The following ATG7 variants were observed in gnomAD, a reference collection of about 807,000 sequenced individuals.
The protein encoded by ATG7 is autophagy related 7, also known as ubiquitin-like modifier-activating enzyme ATG7.
Under a neutral mutation model 82.4 loss-of-function variants are expected in ATG7, and 70 were observed. That is an observed-to-expected ratio of 0.85 (90% CI 0.70 to 1.04). The LOEUF (loss-of-function observed/expected upper bound fraction) is 1.04, where lower values mean the gene tolerates loss of function less well. Ranked by LOEUF, ATG7 falls within the 50% of genes least tolerant of loss-of-function variation. The probability of loss-of-function intolerance (pLI) is 0.00; values close to 1 mark genes in which losing one functional copy is unlikely to be tolerated. For synonymous variants in ATG7, 287 were observed against 313.0 expected (o/e 0.92, Z 0.88); for missense variants, 792 against 864.3 (o/e 0.92, Z 1.05).
chr3:11,574,783 A>ATGTG, the ATG7 span, among the ~76,000 whole-genome samples: 734 of 111,604 alleles, frequency 6.6e-3, 2 homozygotes, highest in South Asian at 0.014. Flanking sequence ...ATTCAACTAT[A>ATGTG]TATGTGTGTG....
intron 14 of ATG7, among the ~76,000 whole-genome samples, chr3:11,358,026 AAAG>A (rs952850053): frequency 6.6e-6 from 1 of 151,938 alleles, no homozygotes; most frequent in East Asian, 1.9e-4. Context: ...AAAAAAAAGA[AAAG>A]AAAAGAAAAA....
At chr3:11,296,604 G>A (rs975820401) in intron 3 of ATG7, among the ~76,000 whole-genome samples, 4 of 152,068 alleles carry the variant, frequency 2.6e-5, no homozygotes, top group Admixed American at 2.0e-4. Context: ...TCCAAAATTC[G>A]TTAGCCTCAC....
At chr3:11,460,106 G>A (rs2086159027) in intron 20 of ATG7, among the ~76,000 whole-genome samples, 1 of 152,134 alleles carries the variant, frequency 6.6e-6, no homozygotes, top group Non-Finnish European at 1.5e-5. Flanking sequence ...TTAAATGTAG[G>A]CAGCCTCAGT....
intron 20 of ATG7, among the ~76,000 whole-genome samples, chr3:11,546,286 C>G (rs745648847): frequency 8.0e-5 from 12 of 149,674 alleles, no homozygotes; most frequent in Middle Eastern, 3.5e-3. Flanking sequence ...ATTTTCCTGC[C>G]TCAGCCTCCC....
chr3:11,431,223 G>A (rs891251941), intron 20 of ATG7, among the ~76,000 whole-genome samples: 4 of 152,200 alleles, frequency 2.6e-5, no homozygotes, highest in Non-Finnish European at 4.4e-5. Flanking sequence ...CCAACATGGC[G>A]AAACCTTGTC....
At chr3:11,312,725 C>A (rs1294076402) in intron 7 of ATG7, among the ~76,000 whole-genome samples, 1 of 152,220 alleles carries the variant, frequency 6.6e-6, no homozygotes, top group Non-Finnish European at 1.5e-5. Context: ...TTCAGGCATG[C>A]ATACATATGT....
At chr3:11,420,611 T>G (rs2081849301) in intron 19 of ATG7, among the ~76,000 whole-genome samples, 1 of 152,190 alleles carries the variant, frequency 6.6e-6, no homozygotes, top group Admixed American at 6.5e-5. Context: ...ACAATGCAGC[T>G]AATATTGCAG....
intron 19 of ATG7, among the ~76,000 whole-genome samples, chr3:11,388,715 A>G (rs950002834): frequency 3.9e-5 from 6 of 151,902 alleles, no homozygotes; most frequent in African/African-American, 1.5e-4. Flanking sequence ...GGTGTGAGCC[A>G]CTGCGCCAGG....
chr3:11,392,543 G>A (rs1374208639), intron 19 of ATG7, among the ~76,000 whole-genome samples: 1 of 151,730 alleles, frequency 6.6e-6, no homozygotes, highest in African/African-American at 2.4e-5. Context: ...GAAACAGAAC[G>A]ATGGTATTTT....
intron 7 of ATG7, 144 bp downstream of exon 7, chr3:11,309,205 A>C: frequency 1.2e-6 from 1 of 829,320 alleles, no homozygotes; most frequent in Non-Finnish European, 2.0e-6. Context: ...CGCTCATTTG[A>C]TTAGTGGCCA....
intron 20 of ATG7, among the ~76,000 whole-genome samples, chr3:11,544,806 T>C (rs1435401193): frequency 2.6e-5 from 4 of 152,344 alleles, no homozygotes; most frequent in Admixed American, 6.5e-5. Flanking sequence ...TCTGAATCAT[T>C]GTTCCTGCAA....
intron 14 of ATG7, 64 bp downstream of exon 14, chr3:11,348,099 A>T: frequency 6.5e-7 from 1 of 1,527,618 alleles, no homozygotes; most frequent in Non-Finnish European, 8.8e-7. Context: ...TTGGGAAATG[A>T]GGCCTGTGGC....
At chr3:11,488,220 C>T (rs1377044544) in intron 20 of ATG7, 2 of 192,620 alleles carry the variant, frequency 1.0e-5, no homozygotes, top group Non-Finnish European at 9.2e-6. Flanking sequence ...CAGGCAGAGA[C>T]ACTCCTCACT....
chr3:11,524,660 A>C lies in ATG7; in HGVS notation c.2080-30151A>C, dbSNP rs375969341. 1.2e-4 allele frequency among the ~76,000 whole-genome samples: 18 copies of C among 152,274 alleles called. No homozygotes were observed. The South Asian group carries it at 3.5e-3, about 30-fold the overall frequency. Reference sequence around the variant, plus strand: ...GCATTAGTCGAGAATGGTAGTGCATATCTGTAGTCCCAGCAGCTCGGGAGG... The same window carrying C: ...GCATTAGTCGAGAATGGTAGTGCATCTCTGTAGTCCCAGCAGCTCGGGAGG... On this transcript the variant is annotated intron_variant, in intron 20 of 20. Coordinates refer to ENST00000693202, the MANE Select transcript of ATG7 (RefSeq NM_001349232.2).
chr3:11,573,295 GAAAGA>G, the ATG7 span, among the ~76,000 whole-genome samples: 13 of 12,500 alleles, frequency 1.0e-3, 1 homozygote, highest in South Asian at 4.2e-3. Flanking sequence ...AAGAAAGAAA[GAAAGA>G]AAGAAAGGAA....
chr3:11,299,245 A>C, intron 4 of ATG7, 117 bp from the exon 5 acceptor site: 1 of 971,494 alleles, frequency 1.0e-6, no homozygotes, highest in South Asian at 1.3e-5. Flanking sequence ...AGATAATCAG[A>C]AATTGGATGG....
intron 20 of ATG7, among the ~76,000 whole-genome samples, chr3:11,521,038 T>C (rs114209470): frequency 0.012 from 1,857 of 152,292 alleles, 16 homozygotes; most frequent in Non-Finnish European, 0.019. Context: ...TGGACAGCTG[T>C]AGACCATTGG....
intron 20 of ATG7, among the ~76,000 whole-genome samples, chr3:11,522,624 C>T (rs539806150): frequency 6.6e-6 from 1 of 152,280 alleles, no homozygotes; most frequent in East Asian, 1.9e-4. Context: ...AGGCAGCAGA[C>T]ATAATTATTC....
intron 13 of ATG7, among the ~76,000 whole-genome samples, chr3:11,344,641 C>T (rs1250990069): frequency 1.3e-5 from 2 of 151,902 alleles, no homozygotes; most frequent in East Asian, 1.9e-4. Context: ...CCAAGGTGGG[C>T]GGATCGTTTG....
Sources: allele counts gnomAD v4.1 joint callset (sites outside exome capture counted in the v4.1 genomes callset), GRCh38; gene constraint gnomAD v4.1.1; transcripts MANE v1.5; gene names NCBI Gene and HGNC (gene_info 2026-07-23, HGNC 2026-07-21).